ANO7: variants seen among roughly 807,000 people sequenced by gnomAD.
ANO7 encodes anoctamin 7, also known as anoctamin-7.
In ANO7, 114 loss-of-function variants were observed where a neutral mutation model predicts 115.8. The ratio of observed to expected loss-of-function variants is 0.98; its 90% confidence interval spans 0.85 to 1.15. ANO7 has a LOEUF of 1.15. ANO7 is among the 50% of genes most tolerant of loss of function. ANO7 has a pLI of 0.00. For missense variants in ANO7, 1,302 were observed against 1,201.2 expected, an observed-to-expected ratio of 1.08 and a Z score of -1.24; for synonymous variants, 550 against 498.2, an observed-to-expected ratio of 1.10 and a Z score of -1.38.
At chr2:241,216,337 G>C (rs2068828393) in intron 19 of ANO7, 99 bp downstream of exon 19, 2 of 1,408,866 alleles carry the variant, frequency 1.4e-6, no homozygotes, top group South Asian at 1.5e-5. Context: ...TCCTGTGTCT[G>C]CATCTGCCCT....
At chr2:241,230,632 C>CACT, downstream of ANO7, 1 of 815,490 alleles carries the variant, frequency 1.2e-6, no homozygotes, top group South Asian at 1.7e-5. This position sits in a 1 kb window ranked among gnomAD's most constrained non-coding sequence, Gnocchi z 5.0. Flanking sequence ...AGGACAGTTC[C>CACT]ACTGCCAGCC....
chr2:241,225,546 G>T lies in ANO7; in HGVS notation c.*1393G>T, dbSNP rs574418235. ...TCTCGGGAACACACACACACAAAAAGAATATGTGGTTTTAATGTGCTTTGA... is the reference window on the plus strand; with the variant it reads ...TCTCGGGAACACACACACACAAAAATAATATGTGGTTTTAATGTGCTTTGA... On this transcript the variant is annotated 3_prime_UTR_variant, in exon 25 of 25. Transcript: ENST00000674324. Among the ~76,000 whole-genome samples, 4 of 152,148 alleles carry T rather than the reference G, an allele frequency of 2.6e-5. No homozygotes were observed. The highest frequency in any genetic ancestry group is 5.9e-5 in the Non-Finnish European group (4 of 68,000).
rs75387643 is a variant in ANO7, at chr2:241,221,536, ATTT to A, written c.2322-1639_2322-1637del. Among the ~76,000 whole-genome samples the A allele has an allele frequency of 4.3e-5, 6 of 141,110 alleles. No homozygotes were observed. In the East Asian group the frequency reaches 1.2e-3, roughly 29 times the overall value. 92.6% of individuals were successfully genotyped at this position (141,110 alleles called of 152,430 possible). A position where few individuals can be genotyped will look rare whatever the true frequency, so the allele number is the denominator to read the frequency against. On this transcript the variant is annotated intron_variant, in intron 21 of 24. Transcript: ENST00000674324. ...AGGCGTGCGCTACCACACCCAGATG[ATTT>A]TTTTTTTTTTGTATTTTTAGTAGAG...
At chr2:241,229,308 A>AG (rs1028507888), downstream of ANO7, 17 of 339,858 alleles carry the variant, frequency 5.0e-5, no homozygotes, top group African/African-American at 3.4e-4. Context: ...GATGAAGGCC[A>AG]GAGTGCTGAC....
intron 21 of ANO7, among the ~76,000 whole-genome samples, chr2:241,218,671 A>C (rs966545647): frequency 3.9e-5 from 6 of 152,192 alleles, no homozygotes; most frequent in Non-Finnish European, 5.9e-5. Context: ...CAGACACCGG[A>C]TTAAAGAAGG....
At chr2:241,238,576 T>G in the ANO7 span, 1 of 1,195,946 alleles carries the variant, frequency 8.4e-7, no homozygotes, top group Non-Finnish European at 1.1e-6. The surrounding 1 kb of genome is among the most constrained non-coding windows in gnomAD (Gnocchi z 4.9). Flanking sequence ...CTCACCAGTA[T>G]GTGCGACAGC....
At chr2:241,194,911 G>A (rs767374857) in intron 3 of ANO7, among the ~76,000 whole-genome samples, 28 of 152,174 alleles carry the variant, frequency 1.8e-4, no homozygotes, top group Non-Finnish European at 2.2e-4. Context: ...CTTACTCCTC[G>A]GGTGTGGCCT....
downstream of ANO7, chr2:241,230,831 C>T (rs752170077): frequency 6.2e-7 from 1 of 1,614,198 alleles, no homozygotes; most frequent in Admixed American, 1.7e-5. This position sits in a 1 kb window ranked among gnomAD's most constrained non-coding sequence, Gnocchi z 5.0. Context: ...CGCGGTGGTC[C>T]AGCGGGACGT....
chr2:241,196,180 A>T (rs2068324191), intron 4 of ANO7: 2 of 1,252,782 alleles, frequency 1.6e-6, no homozygotes, highest in East Asian at 7.1e-5. Context: ...ATTTGTGTTT[A>T]TGACTCTCAG....
Position 241,196,277 on chromosome 2 carries a change from C to G in ANO7, c.309+432C>G, listed in dbSNP as rs972738094. 1.0e-5 allele frequency: 7 copies of G among 682,784 alleles called. No individual in the cohort carries two copies. The African/African-American group carries it at 1.4e-4, about 13-fold the overall frequency. The allele number at this position is 682,784 out of a possible 1,614,324, so 42.3% of individuals were successfully genotyped here. A position where few individuals can be genotyped will look rare whatever the true frequency, so the allele number is the denominator to read the frequency against. On this transcript the variant is annotated intron_variant, in intron 4 of 24. Coordinates refer to ENST00000674324, the MANE Select transcript of ANO7 (RefSeq NM_001370694.2). ...TAGGTACCACTTAGAATCATTTAAG[C>G]AACAGGTCCGGGGAGCGTGAGAAAC...
chr2:241,238,170 G>A, the ANO7 span: 3 of 152,548 alleles, frequency 2.0e-5, no homozygotes, highest in Admixed American at 6.5e-5. The surrounding 1 kb of genome is among the most constrained non-coding windows in gnomAD (Gnocchi z 4.9). Context: ...GCAGAGCTGG[G>A]GGCAAGCATG....
chr2:241,219,583 T>TG (rs984335087), intron 21 of ANO7, among the ~76,000 whole-genome samples: 17 of 152,068 alleles, frequency 1.1e-4, no homozygotes, highest in Admixed American at 7.9e-4. Context: ...TTCTTTTTTT[T>TG]TAGAGACTGG....
At chr2:241,233,769 A>G in the ANO7 span, 1 of 1,609,142 alleles carries the variant, frequency 6.2e-7, no homozygotes, top group Non-Finnish European at 8.5e-7. The surrounding 1 kb of genome is among the most constrained non-coding windows in gnomAD (Gnocchi z 4.3). Flanking sequence ...AAGTCACAGG[A>G]AAGGTCAACA....
At chr2:241,196,495 G>C (rs2068332919) in intron 4 of ANO7, among the ~76,000 whole-genome samples, 1 of 152,376 alleles carries the variant, frequency 6.6e-6, no homozygotes, top group South Asian at 2.1e-4. Flanking sequence ...GGAGCAGGCT[G>C]TGCTGTCACC....
chr2:241,216,778 G>T (rs2068839330), intron 19 of ANO7, among the ~76,000 whole-genome samples: 1 of 152,222 alleles, frequency 6.6e-6, no homozygotes, highest in South Asian at 2.1e-4. Context: ...TGCAGTGCAG[G>T]GTCTGACTCT....
At chr2:241,219,469 GGTT>G (rs1168994876) in intron 21 of ANO7, among the ~76,000 whole-genome samples, 2 of 151,496 alleles carry the variant, frequency 1.3e-5, no homozygotes, top group East Asian at 3.9e-4. Flanking sequence ...AAAGTGTTCT[GGTT>G]GTTTTTTTTA....
intron 4 of ANO7, among the ~76,000 whole-genome samples, chr2:241,198,473 T>C (rs1200379291): frequency 6.6e-6 from 1 of 152,228 alleles, no homozygotes; most frequent in Non-Finnish European, 1.5e-5. Flanking sequence ...TGCCCTTTAG[T>C]TGAGGGCAGG....
intron 4 of ANO7, among the ~76,000 whole-genome samples, chr2:241,197,851 A>G (rs1202340262): frequency 6.6e-6 from 1 of 151,176 alleles, no homozygotes; most frequent in Non-Finnish European, 1.5e-5. Context: ...GGGTTACCCT[A>G]TGTTGGCCAG....
At chr2:241,191,024 CCCTCCACCCCCTACCCACCCG>C (rs2068188188) in intron 2 of ANO7, among the ~76,000 whole-genome samples, 149 bp from the exon 3 acceptor site, 1 of 152,240 alleles carries the variant, frequency 6.6e-6, no homozygotes, top group Admixed American at 6.5e-5. Flanking sequence ...AGGGGCTTCC[CCCTCCACCCCCTACCCACCCG>C]CCGAACATTC....
Sources: gnomAD v4.1 joint callset for allele counts (sites outside exome capture counted in the v4.1 genomes callset) on GRCh38, gnomAD v4.1.1 for gene constraint, Gnocchi (gnomAD v3.1) non-coding constraint, MANE v1.5 for transcripts, NCBI Gene and HGNC (gene_info 2026-07-23, HGNC 2026-07-21) for gene names.